DEAF1: variants seen among roughly 807,000 people sequenced by gnomAD.
The protein encoded by DEAF1 is DEAF1 transcription factor.
In DEAF1, 53 loss-of-function variants were observed where a neutral mutation model predicts 58.9. The ratio of observed to expected loss-of-function variants is 0.90; its 90% CI spans 0.72 to 1.13. DEAF1 has a LOEUF of 1.13. Ranked by LOEUF, DEAF1 falls within the 50% of genes most tolerant of loss-of-function variation. DEAF1 has a pLI of 0.00. For synonymous variants in DEAF1, 385 were observed against 340.4 expected, an observed-to-expected ratio of 1.13 and a Z score of -1.44; for missense variants, 685 against 791.4, an observed-to-expected ratio of 0.87 and a Z score of 1.61.
intron 1 of DEAF1, chr11:700,540 A>AT: frequency 1.5e-5 from 18 of 1,193,886 alleles, no homozygotes; most frequent in Non-Finnish European, 2.1e-5. Context: ...AAAAAAAAAA[A>AT]GGAAAAGGCA....
intron 1 of DEAF1, among the ~76,000 whole-genome samples, 183 bp from the exon 2 acceptor site, chr11:691,781 C>T (rs1282508476): frequency 6.6e-6 from 1 of 152,170 alleles, no homozygotes; most frequent in South Asian, 2.1e-4. Flanking sequence ...CTAAGTCATT[C>T]GGCTCTTCCA....
rs186543505 is a variant in DEAF1 at position 685,909 on chromosome 11, C to G, written c.805-946G>C. On this transcript the variant is annotated intron_variant, in intron 5 of 11. Transcript: ENST00000382409. ...CCTGTAATCCCAGCACTTTGAGAGG[C>G]GAGGCAGGTGGCTCACTTGAGGTCG... 2.0e-5 allele frequency among the ~76,000 whole-genome samples: 3 copies of G among 151,134 alleles called. 1 individual carries two copies. The South Asian group carries it at 6.3e-4, about 32-fold the overall frequency.
At chr11:662,737 T>C (rs1413658831) in intron 10 of DEAF1, among the ~76,000 whole-genome samples, 1 of 152,220 alleles carries the variant, frequency 6.6e-6, no homozygotes, top group Non-Finnish European at 1.5e-5. Context: ...GCCTTGCTCC[T>C]GCCTGGGTGC....
chr11:703,444 T>C, intron 1 of DEAF1: 1 of 1,281,752 alleles, frequency 7.8e-7, no homozygotes, highest in Non-Finnish European at 9.8e-7. Context: ...GGTCTGGCTT[T>C]AGCAGCCAGG....
intron 6 of DEAF1, among the ~76,000 whole-genome samples, chr11:681,536 G>A (rs1000207592): frequency 7.3e-5 from 11 of 151,310 alleles, no homozygotes; most frequent in South Asian, 6.3e-4. Context: ...TCAACCTCCC[G>A]AGTAGCTGGG....
intron 10 of DEAF1, among the ~76,000 whole-genome samples, chr11:670,739 T>C (rs1859774256): frequency 6.7e-6 from 1 of 149,416 alleles, no homozygotes; most frequent in African/African-American, 2.5e-5. Context: ...TTTTTCTTTA[T>C]TTTTTTCCTT....
chr11:672,994 C>T (rs1859896397), intron 10 of DEAF1, among the ~76,000 whole-genome samples: 1 of 151,736 alleles, frequency 6.6e-6, no homozygotes, highest in Non-Finnish European at 1.5e-5. Flanking sequence ...ACTAAAAATA[C>T]AAAAATTAGC....
intron 10 of DEAF1, among the ~76,000 whole-genome samples, chr11:666,738 G>T (rs1208766744): frequency 6.6e-6 from 1 of 151,746 alleles, no homozygotes; most frequent in Non-Finnish European, 1.5e-5. Context: ...TATTAGCCAG[G>T]TGTGGTGGTG....
At chr11:679,189 G>A (rs147436703) in intron 8 of DEAF1, among the ~76,000 whole-genome samples, 1,695 of 151,886 alleles carry the variant, frequency 0.011, 24 homozygotes, top group African/African-American at 0.038. Context: ...GGTGGCAGGC[G>A]CTGTAGTCCC....
intron 11 of DEAF1, among the ~76,000 whole-genome samples, chr11:647,847 GGGA>G (rs1277964349): frequency 3.2e-4 from 48 of 150,876 alleles, no homozygotes; most frequent in Non-Finnish European, 5.0e-4. Context: ...AGGCGGTGCT[GGGA>G]GCAGGTGGGT....
intron 10 of DEAF1, among the ~76,000 whole-genome samples, chr11:668,197 T>C (rs564911786): frequency 8.5e-5 from 13 of 152,106 alleles, no homozygotes; most frequent in Non-Finnish European, 1.6e-4. Flanking sequence ...AAGAGGGACA[T>C]TACAGACAAA....
At chr11:702,363 G>C (rs1173026235) in intron 1 of DEAF1, among the ~76,000 whole-genome samples, 2 of 152,234 alleles carry the variant, frequency 1.3e-5, no homozygotes, top group East Asian at 3.9e-4. Flanking sequence ...GCCTGGGCCT[G>C]CCCTGAGGTG....
intron 9 of DEAF1, chr11:678,341 A>G (rs1860172734): frequency 4.6e-5 from 14 of 307,540 alleles, no homozygotes; most frequent in South Asian, 4.3e-4. Context: ...TGTCTATGCC[A>G]GCTCTGGAGA....
At chr11:678,262 T>C (rs939057900) in intron 9 of DEAF1, 14 of 246,184 alleles carry the variant, frequency 5.7e-5, no homozygotes, top group African/African-American at 2.5e-4. Context: ...GCATTTACAG[T>C]GTATCGTCAT....
At chr11:678,879 T>C (rs900522676) in intron 8 of DEAF1, 57 bp from the exon 9 acceptor site, 274 of 1,606,906 alleles carry the variant, frequency 1.7e-4, no homozygotes, top group Non-Finnish European at 2.2e-4. Context: ...CAGCAGACTC[T>C]AAATATCACG....
chr11:704,929 T>C, intron 1 of DEAF1: 1 of 347,314 alleles, frequency 2.9e-6, no homozygotes, highest in East Asian at 7.6e-5. Context: ...CACCGAGGGG[T>C]TGGCGTGTGT....
At chr11:700,158 T>C, upstream of DEAF1, 1 of 1,614,124 alleles carries the variant, frequency 6.2e-7, no homozygotes, top group South Asian at 1.1e-5. Flanking sequence ...TCAGTTCCCC[T>C]TCAAATGCTG....
At chr11:663,261 A>G (rs1859391576) in intron 10 of DEAF1, among the ~76,000 whole-genome samples, 1 of 152,228 alleles carries the variant, frequency 6.6e-6, no homozygotes. Context: ...AGCCTGGCTA[A>G]TAACGGCGAA....
chr11:694,868 C>G lies in DEAF1; in HGVS notation c.180G>C (p.Thr60=), dbSNP rs1276214604. 1 of 1,499,928 alleles carries G rather than the reference C, an allele frequency of 6.7e-7. No homozygotes were observed. The highest frequency in any genetic ancestry group is 8.9e-7 in the Non-Finnish European group (1 of 1,129,388). The allele number at this position is 1,499,928 out of a possible 1,614,324, so 92.9% of individuals were successfully genotyped here. A position where few individuals can be genotyped will look rare whatever the true frequency, so the allele number is the denominator to read the frequency against. ...TCACCGCCACTGCCGTGACCCGCGG[C>G]GTCTCCCGCTCCGCCTCCGAGTCTG... The part of the protein sequence containing the change: ...EDADSEAERE[T]PRVTAVAVMA... The change falls in exon 1 of 12, where the codon ACG becomes ACC. Residue 60 remains threonine, a synonymous_variant. Transcript: ENST00000382409.
Sources: allele counts gnomAD v4.1 joint callset (sites outside exome capture counted in the v4.1 genomes callset), GRCh38; gene constraint gnomAD v4.1.1; transcripts MANE v1.5; gene names NCBI Gene and HGNC (gene_info 2026-07-23, HGNC 2026-07-21).